The following ZFAT variants were observed in gnomAD, a reference collection of about 807,000 sequenced individuals.
The protein encoded by ZFAT is zinc finger protein ZFAT.
ZFAT carries 64 observed loss-of-function variants against 117.7 expected under a neutral mutation model. That is an observed-to-expected ratio of 0.54 (90% CI 0.44 to 0.67). The LOEUF is 0.67. Among genes scored for constraint, ZFAT ranks in the 30% least tolerant of loss-of-function variants. The pLI is 0.00. For synonymous variants in ZFAT, 679 were observed against 615.0 expected (o/e 1.10, Z -1.54); for missense variants, 1,433 against 1,584.5 (o/e 0.90, Z 1.62).
intron 11 of ZFAT, among the ~76,000 whole-genome samples, chr8:134,540,835 G>A (rs1352227161): frequency 6.6e-6 from 1 of 152,172 alleles, no homozygotes; most frequent in Non-Finnish European, 1.5e-5. Flanking sequence ...AAATTTTTAT[G>A]AACTATATCT....
the ZFAT span, among the ~76,000 whole-genome samples, chr8:134,763,000 C>CA: frequency 6.6e-6 from 1 of 152,144 alleles, no homozygotes; most frequent in Non-Finnish European, 1.5e-5. Flanking sequence ...TATGGACTAC[C>CA]ACAACAGTCT....
intron 2 of ZFAT, among the ~76,000 whole-genome samples, chr8:134,654,260 A>C (rs1013054125): frequency 1.3e-5 from 2 of 152,106 alleles, no homozygotes; most frequent in Non-Finnish European, 2.9e-5. Flanking sequence ...ACGCCATTGC[A>C]CTCCAGCTAG....
chr8:134,545,309 C>T (rs1254479464), intron 11 of ZFAT, among the ~76,000 whole-genome samples: 1 of 152,046 alleles, frequency 6.6e-6, no homozygotes, highest in East Asian at 1.9e-4. Flanking sequence ...CCCAGGAGTC[C>T]GAGACCAGCC....
At chr8:134,777,017 C>T in the ZFAT span, among the ~76,000 whole-genome samples, 4 of 152,162 alleles carry the variant, frequency 2.6e-5, no homozygotes, top group African/African-American at 7.2e-5. Context: ...TTTAAGGATG[C>T]GGTAGAAAGA....
chr8:134,717,918 C>T (rs565993061), upstream of ZFAT, among the ~76,000 whole-genome samples: 3 of 152,238 alleles, frequency 2.0e-5, no homozygotes, highest in African/African-American at 7.2e-5. Context: ...TGGTCTTGAA[C>T]TCCTGACCTC....
At chr8:134,658,752 G>A (rs1229399837) in intron 1 of ZFAT, among the ~76,000 whole-genome samples, 1 of 152,192 alleles carries the variant, frequency 6.6e-6, no homozygotes, top group Non-Finnish European at 1.5e-5. Context: ...CAGACTGAAA[G>A]GAAGTGGCTT....
the ZFAT span, among the ~76,000 whole-genome samples, chr8:134,773,309 T>G: frequency 6.6e-6 from 1 of 152,208 alleles, no homozygotes; most frequent in East Asian, 1.9e-4. Flanking sequence ...GCCTGGTTTA[T>G]TAAATATTTT....
At chr8:134,579,075 C>A (rs1004301713) in intron 10 of ZFAT, among the ~76,000 whole-genome samples, 5 of 152,160 alleles carry the variant, frequency 3.3e-5, no homozygotes, top group African/African-American at 1.2e-4. Context: ...CTTTGGCAAC[C>A]CCTGGGCCAT....
chr8:134,771,959 C>A, the ZFAT span, among the ~76,000 whole-genome samples: 2 of 152,192 alleles, frequency 1.3e-5, no homozygotes, highest in East Asian at 3.9e-4. Flanking sequence ...CTTTTTAAAC[C>A]CATCAGACCT....
the ZFAT span, among the ~76,000 whole-genome samples, chr8:134,814,857 C>T: frequency 2.6e-5 from 4 of 152,312 alleles, no homozygotes; most frequent in African/African-American, 9.6e-5. Context: ...ACAGAGAAGG[C>T]AGCAGATACA....
intron 11 of ZFAT, among the ~76,000 whole-genome samples, chr8:134,553,156 C>T (rs1473198951): frequency 6.6e-6 from 1 of 152,170 alleles, no homozygotes; most frequent in Non-Finnish European, 1.5e-5. Flanking sequence ...AGGAGAGAGA[C>T]ATTCACTGTT....
At chr8:134,824,196 G>A in the ZFAT span, among the ~76,000 whole-genome samples, 1 of 152,232 alleles carries the variant, frequency 6.6e-6, no homozygotes, top group African/African-American at 2.4e-5. Context: ...GCAGTTCCAT[G>A]TGCGAAGGCA....
At chr8:134,789,304 G>A in the ZFAT span, among the ~76,000 whole-genome samples, 1 of 152,094 alleles carries the variant, frequency 6.6e-6, no homozygotes, top group Non-Finnish European at 1.5e-5. Flanking sequence ...CGTTATTGTA[G>A]GTGCATTTTA....
the ZFAT span, among the ~76,000 whole-genome samples, chr8:134,826,079 C>T: frequency 6.6e-6 from 1 of 151,490 alleles, no homozygotes; most frequent in Non-Finnish European, 1.5e-5. Context: ...TCATTACAAG[C>T]AAAAAACCAT....
chr8:134,680,246 A>G (rs1167359238), intron 1 of ZFAT, among the ~76,000 whole-genome samples: 3 of 143,054 alleles, frequency 2.1e-5, no homozygotes, highest in African/African-American at 7.9e-5. Flanking sequence ...TGGGTGACAG[A>G]GCCAGACTCC....
chr8:134,601,352 A>G (rs1382570909), intron 6 of ZFAT, 125 bp downstream of exon 6: 2 of 1,388,392 alleles, frequency 1.4e-6, no homozygotes, highest in Non-Finnish European at 1.9e-6. Context: ...TCCTATCTAC[A>G]ATGGAGGAGG....
At chr8:134,498,371 G>T in intron 15 of ZFAT, among the ~76,000 whole-genome samples, 1 of 125,212 alleles carries the variant, frequency 8.0e-6, no homozygotes, top group East Asian at 2.5e-4. Flanking sequence ...AGCCTGATTT[G>T]GTAGGGTTGG....
the ZFAT span, among the ~76,000 whole-genome samples, chr8:134,780,000 T>A: frequency 6.6e-6 from 1 of 152,014 alleles, no homozygotes; most frequent in Non-Finnish European, 1.5e-5. Context: ...AACCCCCATC[T>A]CCCTCCCTCC....
At chr8:134,685,694 G>A (rs558388163) in intron 1 of ZFAT, among the ~76,000 whole-genome samples, 43 of 152,270 alleles carry the variant, frequency 2.8e-4, no homozygotes, top group African/African-American at 5.3e-4. Context: ...AAACAACACC[G>A]GGAGTTACTG....
Sources: gnomAD v4.1 joint callset for allele counts (sites outside exome capture counted in the v4.1 genomes callset) on GRCh38, gnomAD v4.1.1 for gene constraint, MANE v1.5 for transcripts, NCBI Gene and HGNC (gene_info 2026-07-23, HGNC 2026-07-21) for gene names.